Variants in ACSL3 observed in about 807,000 individuals in gnomAD.
ACSL3 encodes fatty acid CoA ligase Acsl3.
Under a neutral mutation model 84.7 loss-of-function variants are expected in ACSL3, and 34 were observed. The observed-to-expected ratio is 0.40, with a 90% CI of 0.31 to 0.53. ACSL3 has a LOEUF of 0.53. ACSL3 is among the 20% of genes least tolerant of loss of function. The pLI is 0.48. For synonymous variants in ACSL3, 315 were observed against 299.4 expected, an observed-to-expected ratio of 1.05 and a Z score of -0.54; for missense variants, 680 against 873.1, an observed-to-expected ratio of 0.78 and a Z score of 2.79.
intron 13 of ACSL3, 126 bp downstream of exon 13, chr2:222,929,062 G>A (rs990540597): frequency 2.8e-5 from 19 of 667,546 alleles, no homozygotes; most frequent in Admixed American, 5.9e-5. Context: ...TGTGATAGAC[G>A]TGTTTTATCT....
At chr2:222,907,870 T>C (rs1247662450) in intron 3 of ACSL3, among the ~76,000 whole-genome samples, 1 of 152,164 alleles carries the variant, frequency 6.6e-6, no homozygotes, top group African/African-American at 2.4e-5. Flanking sequence ...CTCTTCCTTA[T>C]GAGTCTCTGT....
intron 1 of ACSL3, among the ~76,000 whole-genome samples, chr2:222,866,409 T>TA (rs1227662526): frequency 3.3e-5 from 5 of 152,334 alleles, no homozygotes; most frequent in Middle Eastern, 6.8e-3. Context: ...CCTCCCAAAG[T>TA]ACTGGGATTA....
chr2:222,908,947 C>T lies in ACSL3; in HGVS notation c.175C>T (p.Pro59Ser). The T allele has an allele frequency of 1.2e-6, 2 of 1,613,236 alleles. No individual in the cohort carries two copies. The highest frequency in any genetic ancestry group is 1.1e-5 in the South Asian group (1 of 90,834). Residue 59 changes from proline (P) to serine (S), a missense_variant, in exon 4 of 17, where the codon CCT (proline) becomes TCT (serine). Pro to Ser is a moderately conservative substitution (Grantham distance 74, BLOSUM62 -1). Around this residue, in one of 2 missense-constraint regions of ACSL3, gnomAD observed 333 missense variants for 347.5 expected, o/e 0.96. Transcript: ENST00000357430. ...AAAATCAAACCGAATTAAAGCAAAG[C>T]CTGTAAATTCAAAACCTGATTCTGC... ...QEKSNRIKAKPVNSKPDSAYR... is the reference protein window; with the variant it reads ...QEKSNRIKAKSVNSKPDSAYR...
chr2:222,910,393 A>G (rs1293061091), intron 4 of ACSL3, among the ~76,000 whole-genome samples: 1 of 152,200 alleles, frequency 6.6e-6, no homozygotes, highest in African/African-American at 2.4e-5. Context: ...TCTTTTAACC[A>G]TTTCCAGCTA....
At chr2:222,896,640 A>G (rs1286294868) in intron 2 of ACSL3, among the ~76,000 whole-genome samples, 3 of 8,772 alleles carry the variant, frequency 3.4e-4, no homozygotes, top group Admixed American at 2.2e-3. Flanking sequence ...ACTTCCCAGT[A>G]GGGGCGGCCG....
chr2:222,918,186 G>T (rs927281499), intron 6 of ACSL3, 31 bp downstream of exon 6: 3 of 1,452,406 alleles, frequency 2.1e-6, no homozygotes, highest in Non-Finnish European at 2.9e-6. Context: ...CTAACTGTCT[G>T]ATACTTTAGA....
intron 8 of ACSL3, 68 bp downstream of exon 8, chr2:222,921,498 C>G (rs1028549420): frequency 5.3e-5 from 76 of 1,423,648 alleles, no homozygotes; most frequent in Non-Finnish European, 7.0e-5. Flanking sequence ...GCATTTGTGT[C>G]ATTTTATTAA....
intron 2 of ACSL3, among the ~76,000 whole-genome samples, chr2:222,899,849 CAGATATCG>C (rs1696093440): frequency 6.6e-6 from 1 of 152,152 alleles, no homozygotes; most frequent in Admixed American, 6.5e-5. Context: ...CTTTGTTCTC[CAGATATCG>C]GGATATCTGG....
intron 16 of ACSL3, among the ~76,000 whole-genome samples, chr2:222,941,204 A>G (rs1697296258): frequency 6.6e-6 from 1 of 152,176 alleles, no homozygotes; most frequent in Admixed American, 6.5e-5. Context: ...TACTGGGATT[A>G]CAGGCATGAG....
In ACSL3 at chr2:222,934,564, A is replaced by G. The variant is rs1443816564; in HGVS notation, c.1882A>G (p.Asn628Asp). The G allele has an allele frequency of 1.9e-6, 3 of 1,586,090 alleles. No homozygotes were observed. Among genetic ancestry groups the G allele is most frequent in the East Asian group, 2.3e-5 (1 of 44,088 alleles). ...HSYVIGFVVPNQKELTELARK... is the reference protein window; with the variant it reads ...HSYVIGFVVPDQKELTELARK... ...TTATGTCATTGGATTTGTTGTGCCA[A>G]ATCAAAAGGAACTAACTGAACTAGC... Residue 628 changes from asparagine (N) to aspartate (D), a missense_variant, in exon 16 of 17, where the codon AAT becomes GAT. Coordinates refer to ENST00000357430, the MANE Select transcript of ACSL3 (RefSeq NM_004457.5).
chr2:222,916,162 G>GATTTTTCA (rs1011844987), intron 4 of ACSL3, among the ~76,000 whole-genome samples, 157 bp from the exon 5 acceptor site: 13 of 152,184 alleles, frequency 8.5e-5, no homozygotes, highest in Admixed American at 7.8e-4. Context: ...TTTTAAAATA[G>GATTTTTCA]ATTTTTCACT....
At chr2:222,908,266 T>G (rs754516722) in intron 3 of ACSL3, among the ~76,000 whole-genome samples, 6 of 152,202 alleles carry the variant, frequency 3.9e-5, no homozygotes, top group Non-Finnish European at 8.8e-5. Context: ...CTCCAGTTGC[T>G]TGTTGCTGAC....
rs139163050 is a variant in ACSL3, at chr2:222,919,199, A to G, written c.802A>G (p.Met268Val). The change falls in exon 7 of 17, where the codon ATG becomes GTG. Residue 268 changes from methionine to valine, a missense_variant. Met to Val is a conservative substitution (Grantham distance 21). Transcript: ENST00000357430. ...AVEALGAKASMENQPHSKPLP... is the reference protein window; with the variant it reads ...AVEALGAKASVENQPHSKPLP... ...GGAGGCCCTGGGAGCCAAGGCCAGC[A>G]TGGGTATGTTACACTTTTCTAATTC... 21 of 1,613,974 alleles carry G rather than the reference A, an allele frequency of 1.3e-5. 1 individual carries two copies. Among genetic ancestry groups the G allele is most frequent in the Admixed American group, 1.2e-4 (7 of 60,006 alleles).
At position 222,909,017 on chromosome 2, in the gene ACSL3, A is replaced by T. The variant is rs778300710; in HGVS notation, c.245A>T (p.Tyr82Phe). The T allele has an allele frequency of 7.7e-5, 125 of 1,613,594 alleles. No homozygotes were observed. Among genetic ancestry groups the T allele is most frequent in the Non-Finnish European group, 1.1e-4 (124 of 1,179,908 alleles). ...TTGGATGGTTTGGCTTCAGTATTAT[A>T]CCCTGGATGTGATACTTTAGATAAA... Reference protein sequence around the residue: ...NSLDGLASVLYPGCDTLDKVF... With the variant: ...NSLDGLASVLFPGCDTLDKVF... The change falls in exon 4 of 17, where the codon TAC becomes TTC. Residue 82 changes from tyrosine to phenylalanine, a missense_variant. Coordinates refer to ENST00000357430, the MANE Select transcript of ACSL3 (RefSeq NM_004457.5).
intron 2 of ACSL3, among the ~76,000 whole-genome samples, chr2:222,893,449 G>C (rs556746818): frequency 7.6e-4 from 116 of 152,200 alleles, no homozygotes; most frequent in African/African-American, 2.7e-3. Context: ...TCTTTGTTCA[G>C]TCCATGAGTT....
At chr2:222,905,760 G>A (rs1348766769) in intron 3 of ACSL3, among the ~76,000 whole-genome samples, 1 of 152,162 alleles carries the variant, frequency 6.6e-6, no homozygotes, top group African/African-American at 2.4e-5. Flanking sequence ...GGCTCAGTTG[G>A]GAGTCCTGAC....
chr2:222,868,671 G>T (rs1212214196), intron 1 of ACSL3, among the ~76,000 whole-genome samples: 1 of 152,158 alleles, frequency 6.6e-6, no homozygotes, highest in Non-Finnish European at 1.5e-5. Context: ...ATTTGGTTGG[G>T]CATGGTGGCT....
At chr2:222,869,463 C>G (rs1695243579) in intron 1 of ACSL3, among the ~76,000 whole-genome samples, 1 of 152,082 alleles carries the variant, frequency 6.6e-6, no homozygotes, top group South Asian at 2.1e-4. Context: ...TAAATGGTAA[C>G]AAGACATTCT....
chr2:222,919,441 T>C (rs1696673491), intron 7 of ACSL3: 1 of 338,898 alleles, frequency 3.0e-6, no homozygotes, highest in East Asian at 5.2e-5. Context: ...TTTAAAATAT[T>C]TTACATTCAG....
Sources: gnomAD v4.1 joint callset for allele counts (sites outside exome capture counted in the v4.1 genomes callset) on GRCh38, gnomAD v4.1.1 for gene constraint, gnomAD v4.1.1 regional missense constraint, MANE v1.5 for transcripts, NCBI Gene and HGNC (gene_info 2026-07-23, HGNC 2026-07-21) for gene names.